AFF3: variants seen among roughly 807,000 people sequenced by gnomAD.
AFF3 encodes the protein ALF transcription elongation factor 3.
AFF3 carries 32 observed loss-of-function variants against 129.7 expected under a neutral mutation model. The observed-to-expected ratio is 0.25, with a 90% CI of 0.19 to 0.33. AFF3 has a LOEUF of 0.33. Ranked by LOEUF, AFF3 falls within the 10% of genes least tolerant of loss-of-function variation. The pLI is 1.00. For missense variants in AFF3, 1,373 were observed against 1,592.0 expected, an observed-to-expected ratio of 0.86 and a Z score of 2.34; for synonymous variants, 644 against 635.4, an observed-to-expected ratio of 1.01 and a Z score of -0.20.
intron 2 of AFF3, among the ~76,000 whole-genome samples, chr2:100,123,200 C>T (rs947683020): frequency 3.9e-5 from 6 of 152,168 alleles, no homozygotes; most frequent in Admixed American, 1.3e-4. Flanking sequence ...ATAAATTATT[C>T]CCTCAATTTT....
intron 12 of AFF3, among the ~76,000 whole-genome samples, chr2:99,665,459 C>T (rs1047628873): frequency 6.6e-5 from 10 of 152,174 alleles, no homozygotes; most frequent in Non-Finnish European, 1.3e-4. Context: ...TAGGCTGGAA[C>T]AGCTGGGCAT....
intron 8 of AFF3, among the ~76,000 whole-genome samples, chr2:99,827,587 G>A (rs1688186514): frequency 6.6e-6 from 1 of 151,834 alleles, no homozygotes; most frequent in Non-Finnish European, 1.5e-5. Context: ...AGAGACTTTG[G>A]TCTGGAGAGT....
chr2:99,765,660 T>C (rs1032198094), intron 8 of AFF3, among the ~76,000 whole-genome samples: 2 of 152,206 alleles, frequency 1.3e-5, no homozygotes, highest in Non-Finnish European at 2.9e-5. Flanking sequence ...AAATAATTAT[T>C]GCTGTATTGC....
intron 1 of AFF3, among the ~76,000 whole-genome samples, chr2:100,129,955 A>G (rs1692355536): frequency 6.6e-6 from 1 of 152,188 alleles, no homozygotes; most frequent in Non-Finnish European, 1.5e-5. Flanking sequence ...GTCCAGGTCT[A>G]ACACTCAATG....
At chr2:99,936,462 G>A (rs760139902) in intron 7 of AFF3, among the ~76,000 whole-genome samples, 1 of 152,136 alleles carries the variant, frequency 6.6e-6, no homozygotes, top group Non-Finnish European at 1.5e-5. Flanking sequence ...GCAACCAGGA[G>A]GATTAGAGAG....
intron 13 of AFF3, among the ~76,000 whole-genome samples, chr2:99,646,109 T>A (rs917112806): frequency 1.3e-5 from 2 of 152,230 alleles, no homozygotes; most frequent in East Asian, 3.9e-4. Flanking sequence ...TAAACTCATG[T>A]CCTTCCACCA....
intron 7 of AFF3, among the ~76,000 whole-genome samples, chr2:99,962,583 G>T (rs1384932464): frequency 6.6e-6 from 1 of 151,918 alleles, no homozygotes; most frequent in Non-Finnish European, 1.5e-5. Context: ...GAACAATATT[G>T]AAACTGTATA....
In AFF3 at chr2:99,680,170, A is replaced by G. The variant is rs140241097; in HGVS notation, c.1092-7581T>C. 1.0e-3 allele frequency among the ~76,000 whole-genome samples: 155 copies of G among 152,310 alleles called. 1 individual carries two copies. Among genetic ancestry groups the G allele is most frequent in the African/African-American group, 3.6e-3 (150 of 41,562 alleles). ...TTCTCCAAATATATTAGACTTTAAA[A>G]TTGCTTCCTCCTAAAAGAATTACAG... is the stretch of plus-strand genomic sequence containing the variant. On this transcript the variant is annotated intron_variant, in intron 11 of 24. Transcript: ENST00000672756.
At chr2:99,807,461 A>G (rs964718408) in intron 8 of AFF3, among the ~76,000 whole-genome samples, 1 of 152,162 alleles carries the variant, frequency 6.6e-6, no homozygotes, top group Non-Finnish European at 1.5e-5. Context: ...GCTTTCTGAT[A>G]TCTCAGCTGG....
At chr2:100,106,521 T>C in intron 2 of AFF3, 1 of 1,000,740 alleles carries the variant, frequency 1.0e-6, no homozygotes. Flanking sequence ...GAAAGTGAGA[T>C]CGAGACATTG....
At chr2:99,599,068 A>G (rs1042448529) in intron 14 of AFF3, among the ~76,000 whole-genome samples, 1 of 151,928 alleles carries the variant, frequency 6.6e-6, no homozygotes, top group African/African-American at 2.4e-5. Flanking sequence ...GCATCAGGTG[A>G]CTTAAACTTT....
At chr2:99,597,132 A>C (rs529303250) in intron 14 of AFF3, among the ~76,000 whole-genome samples, 19 of 152,344 alleles carry the variant, frequency 1.2e-4, no homozygotes, top group African/African-American at 3.6e-4. Context: ...AGAGCTGCAC[A>C]GCTACCGGGC....
At chr2:99,561,793 C>T (rs922644334) in intron 20 of AFF3, among the ~76,000 whole-genome samples, 17 of 151,474 alleles carry the variant, frequency 1.1e-4, no homozygotes, top group African/African-American at 3.4e-4. Context: ...CTCCCATATT[C>T]CTTCTTTTGT....
At chr2:99,822,360 G>C (rs1246760024) in intron 8 of AFF3, among the ~76,000 whole-genome samples, 1 of 151,682 alleles carries the variant, frequency 6.6e-6, no homozygotes, top group Non-Finnish European at 1.5e-5. Context: ...TTTGGGGTAG[G>C]GAGGTGGAGG....
At chr2:100,031,600 A>G (rs1468709780) in intron 4 of AFF3, among the ~76,000 whole-genome samples, 1 of 152,222 alleles carries the variant, frequency 6.6e-6, no homozygotes. Flanking sequence ...GACTGGGGCA[A>G]AAAATATACA....
rs370268406 is a variant in AFF3, at chr2:99,554,609, A to T, written c.3335+74T>A. Reference sequence around the variant, plus strand: ...GAGGCAGGGCAGCCCCTTGGGGAACAGAAAGCAAAGCGCAGTGGCCCAGCA... The same window carrying T: ...GAGGCAGGGCAGCCCCTTGGGGAACTGAAAGCAAAGCGCAGTGGCCCAGCA... On this transcript the variant is annotated intron_variant, in intron 23 of 24. Transcript: ENST00000672756. The T allele has an allele frequency of 5.2e-5, 84 of 1,611,688 alleles. No individual in the cohort carries two copies. The African/African-American group carries it at 9.9e-4, about 19-fold the overall frequency.
chr2:99,894,289 G>A (rs1308921145), intron 7 of AFF3, among the ~76,000 whole-genome samples: 1 of 151,784 alleles, frequency 6.6e-6, no homozygotes, highest in Non-Finnish European at 1.5e-5. Flanking sequence ...ACTCTAGAAG[G>A]ACACACAAGG....
Position 99,672,532 on chromosome 2 carries a change from T to A in AFF3, c.1143+6A>T. The A allele has an allele frequency of 6.2e-7, 1 of 1,613,572 alleles. No homozygotes were observed. Among genetic ancestry groups the A allele is most frequent in the Middle Eastern group, 1.6e-4 (1 of 6,062 alleles). ...CAAAGGATGATGACATAAAAGAGAA[T>A]CTTACCTGTTCATTCTCCTCTTCAT... On this transcript the variant is annotated splice_donor_region_variant and intron_variant, in intron 12 of 24. Coordinates refer to ENST00000672756, the MANE Select transcript of AFF3 (RefSeq NM_001386135.1).
chr2:99,576,958 G>A (rs573335781), intron 18 of AFF3, among the ~76,000 whole-genome samples: 52 of 152,218 alleles, frequency 3.4e-4, no homozygotes, highest in African/African-American at 1.1e-3. Flanking sequence ...TGGCAAAGGC[G>A]ATGAAGACAG....
Sources: allele counts gnomAD v4.1 joint callset (sites outside exome capture counted in the v4.1 genomes callset), GRCh38; gene constraint gnomAD v4.1.1; transcripts MANE v1.5; gene names NCBI Gene and HGNC (gene_info 2026-07-23, HGNC 2026-07-21).